Variants in ASCL1 observed in about 807,000 individuals in gnomAD.
ASCL1 encodes the protein achaete-scute family bHLH transcription factor 1.
In ASCL1, 2 loss-of-function variants were observed where a neutral mutation model predicts 16.1. The ratio of observed to expected loss-of-function variants is 0.12; its 90% confidence interval spans 0.05 to 0.39. The LOEUF (loss-of-function observed/expected upper bound fraction) is 0.39. Ranked by LOEUF, ASCL1 falls within the 10% of genes least tolerant of loss-of-function variation. ASCL1 has a pLI of 0.99. For synonymous variants in ASCL1, 165 were observed against 155.7 expected (o/e 1.06, Z -0.45); for missense variants, 276 against 336.9 (o/e 0.82, Z 1.41).
Position 102,957,802 on chromosome 12 carries a change from C to A in ASCL1, c.-443C>A, listed in dbSNP as rs957732146. The A allele has an allele frequency of 6.3e-6, 1 of 159,796 alleles. No homozygotes were observed. The highest frequency in any genetic ancestry group is 6.5e-5 in the Admixed American group (1 of 15,462). The allele number at this position is 159,796 out of a possible 1,614,324, so 9.9% of individuals were successfully genotyped here. A position where few individuals can be genotyped will look rare whatever the true frequency, so the allele number is the denominator to read the frequency against. On this transcript the variant is annotated 5_prime_UTR_variant, in exon 1 of 2. Coordinates refer to ENST00000266744, the MANE Select transcript of ASCL1 (RefSeq NM_004316.4). This position sits in a 1 kb window ranked among gnomAD's most constrained non-coding sequence, Gnocchi z 4.1. ...AAAATAATAAAAACAGCCTGAGCCA[C>A]GGCTGGAGAGACCGAGACCCGGCGC...
Position 102,958,141 on chromosome 12 carries a change from CCT to C in ASCL1, c.-99_-98del. On this transcript the variant is annotated 5_prime_UTR_variant, in exon 1 of 2. Coordinates refer to ENST00000266744, the MANE Select transcript of ASCL1 (RefSeq NM_004316.4). ...CCCGCTTCATATTTCCTTTTCTTTC[CCT>C]CTCTGTTCCTGCACCCAAGTTCTCT... The C allele has an allele frequency of 1.2e-6, 1 of 808,222 alleles. No individual in the cohort carries two copies. The highest frequency in any genetic ancestry group is 1.7e-6 in the Non-Finnish European group (1 of 581,650). The allele number at this position is 808,222 out of a possible 1,614,324, so 50.1% of individuals were successfully genotyped here.
intron 1 of ASCL1, 135 bp downstream of exon 1, chr12:102,959,137 A>G: frequency 9.3e-7 from 1 of 1,073,968 alleles, no homozygotes; most frequent in Non-Finnish European, 1.3e-6. Context: ...GGTCGATTTC[A>G]AGTCCTAGTT....
rs1880076246 is a variant in ASCL1 at position 102,960,277 on chromosome 12, ATGT to A, written c.*968_*970del. The stretch of plus-strand genomic sequence containing the variant: ...CACCAATGTGTCTTACTTTATAGAA[ATGT>A]TGTTAATGTATTAATGATGTTATTA... On this transcript the variant is annotated 3_prime_UTR_variant, in exon 2 of 2. Transcript: ENST00000266744. 6.6e-6 allele frequency: 1 copy of A among 152,658 alleles called. No homozygotes were observed. Among genetic ancestry groups the A allele is most frequent in the South Asian group, 2.1e-4 (1 of 4,832 alleles). 9.5% of individuals were successfully genotyped at this position (152,658 alleles called of 1,614,324 possible). A position where few individuals can be genotyped will look rare whatever the true frequency, so the allele number is the denominator to read the frequency against.
In ASCL1 at chr12:102,958,343, C is replaced by CACGGCCGCAGCCGCG. The variant is rs1410942514; in HGVS notation, c.100_114dup (p.Thr34_Ala38dup). On this transcript the variant is annotated inframe_insertion, in exon 1 of 2. Transcript: ENST00000266744. ...TGCCGCCCGCAGCCTGTTTCTTTGC[C>CACGGCCGCAGCCGCG]ACGGCCGCAGCCGCGGCGGCCGCAG... 1 of 1,456,882 alleles carries CACGGCCGCAGCCGCG rather than the reference C, an allele frequency of 6.9e-7. No homozygotes were observed. Among genetic ancestry groups the CACGGCCGCAGCCGCG allele is most frequent in the Non-Finnish European group, 9.0e-7 (1 of 1,109,412 alleles). The allele number at this position is 1,456,882 out of a possible 1,614,324, so 90.2% of individuals were successfully genotyped here. A position where few individuals can be genotyped will look rare whatever the true frequency, so the allele number is the denominator to read the frequency against.
chr12:102,958,280 C>G lies in ASCL1; in HGVS notation c.36C>G (p.Ala12=), dbSNP rs753938038. ...ESSAKMESGG[A]GQQPQPQPQQ... is the part of the protein sequence containing the mutation. ...CTGCCAAGATGGAGAGCGGCGGCGC[C>G]GGCCAGCAGCCCCAGCCGCAGCCCC... Residue 12 remains alanine, a synonymous_variant, in exon 1 of 2, where the codon GCC becomes GCG. Coordinates refer to ENST00000266744, the MANE Select transcript of ASCL1 (RefSeq NM_004316.4). The G allele has an allele frequency of 3.4e-6, 5 of 1,475,416 alleles. No homozygotes were observed. The highest frequency in any genetic ancestry group is 3.0e-5 in the East Asian group (1 of 33,492). 91.4% of individuals were successfully genotyped at this position (1,475,416 alleles called of 1,614,324 possible).
rs1880006246 is a variant in ASCL1 at position 102,958,395 on chromosome 12, C to A, written c.151C>A (p.Gln51Lys). ...AAAAAAAQSA[Q>K]QQQQQQQQQQ... The stretch of plus-strand genomic sequence containing the variant: ...CGCCGCAGCGGCAGCGCAGAGCGCG[C>A]AGCAGCAGCAGCAGCAGCAGCAGCA... The change falls in exon 1 of 2, where the codon CAG becomes AAG. Residue 51 changes from glutamine to lysine, a missense_variant. Coordinates refer to ENST00000266744, the MANE Select transcript of ASCL1 (RefSeq NM_004316.4). The A allele has an allele frequency of 1.4e-6, 1 of 706,430 alleles. No homozygotes were observed. Among genetic ancestry groups the A allele is most frequent in the Admixed American group, 3.6e-5 (1 of 27,618 alleles). The allele number at this position is 706,430 out of a possible 1,614,324, so 43.8% of individuals were successfully genotyped here.
At position 102,958,823 on chromosome 12, in the gene ASCL1, C is replaced by A; in HGVS notation, c.579C>A (p.Ile193=). The A allele has an allele frequency of 6.2e-7, 1 of 1,613,786 alleles. No individual in the cohort carries two copies. The highest frequency in any genetic ancestry group is 8.5e-7 in the Non-Finnish European group (1 of 1,179,770). The change falls in exon 1 of 2, where the codon ATC becomes ATA. Residue 193 remains isoleucine (I), a synonymous_variant. Transcript: ENST00000266744. The stretch of plus-strand genomic sequence containing the variant: ...AGGCAGGCGTCCTGTCGCCCACCAT[C>A]TCCCCCAACTACTCCAACGACTTGA... ...AFQAGVLSPT[I]SPNYSNDLNS...
chr12:102,957,889 C>G lies in ASCL1; in HGVS notation c.-356C>G, dbSNP rs989424784. On this transcript the variant is annotated 5_prime_UTR_variant, in exon 1 of 2. Coordinates refer to ENST00000266744, the MANE Select transcript of ASCL1 (RefSeq NM_004316.4). The surrounding 1 kb of genome is among the most constrained non-coding windows in gnomAD (Gnocchi z 4.1). ...CGCGGCAGAGCGCGTTCAGCACTGA[C>G]TTTTGCTGCTGCTTCTGCTTTTTTT... 1 of 198,732 alleles carries G rather than the reference C, an allele frequency of 5.0e-6. No individual in the cohort carries two copies. Among genetic ancestry groups the G allele is most frequent in the Admixed American group, 6.0e-5 (1 of 16,554 alleles). 12.3% of individuals were successfully genotyped at this position (198,732 alleles called of 1,614,324 possible).
In ASCL1 at chr12:102,958,197, C is replaced by T; in HGVS notation, c.-48C>T. 1.4e-6 allele frequency: 2 copies of T among 1,400,190 alleles called. No homozygotes were observed. The highest frequency in any genetic ancestry group is 9.3e-7 in the Non-Finnish European group (1 of 1,075,310). 86.7% of individuals were successfully genotyped at this position (1,400,190 alleles called of 1,614,324 possible). ...TGTCCCCCTCGCGGGCCCCGCACCTCGCGTCCCGGATCGCTCTGATTCCGC... is the reference window on the plus strand; with the variant it reads ...TGTCCCCCTCGCGGGCCCCGCACCTTGCGTCCCGGATCGCTCTGATTCCGC... On this transcript the variant is annotated 5_prime_UTR_variant, in exon 1 of 2. Transcript: ENST00000266744.
chr12:102,959,256 A>G (rs1179175052), intron 1 of ASCL1, 106 bp from the exon 2 acceptor site: 3 of 449,648 alleles, frequency 6.7e-6, no homozygotes, highest in Non-Finnish European at 1.2e-5. Context: ...GGGACATGTT[A>G]AAAGAGATGT....
At chr12:102,959,184 C>T (rs1212242539) in intron 1 of ASCL1, among the ~76,000 whole-genome samples, 178 bp from the exon 2 acceptor site, 1 of 152,178 alleles carries the variant, frequency 6.6e-6, no homozygotes, top group African/African-American at 2.4e-5. Context: ...AATGGCCTTG[C>T]CCAGGTCTCC....
chr12:102,959,430 GAAA>G lies in ASCL1; in HGVS notation c.*124_*126del. The G allele has an allele frequency of 6.6e-6, 1 of 152,270 alleles. No homozygotes were observed. Among genetic ancestry groups the G allele is most frequent in the Non-Finnish European group, 1.5e-5 (1 of 68,630 alleles). The allele number at this position is 152,270 out of a possible 1,614,324, so 9.4% of individuals were successfully genotyped here. On this transcript the variant is annotated 3_prime_UTR_variant, in exon 2 of 2. Transcript: ENST00000266744. Reference sequence around the variant, plus strand: ...CGTTGGGAGGGGGAGAAAAGGAAAAGAAAAAAAAAAGAAGAAGAAGAAGAAAAG... The same window carrying G: ...CGTTGGGAGGGGGAGAAAAGGAAAAGAAAAAAAGAAGAAGAAGAAGAAAAG...
Position 102,958,760 on chromosome 12 carries a change from G to C in ASCL1, c.516G>C (p.Gln172His). Residue 172 changes from glutamine to histidine, a missense_variant, in exon 1 of 2, where the codon CAG becomes CAC. Physicochemically the swap from Gln to His is conservative, Grantham distance 24 (BLOSUM62 0). Coordinates refer to ENST00000266744, the MANE Select transcript of ASCL1 (RefSeq NM_004316.4). ...SAVEYIRALQ[Q>H]LLDEHDAVSA... ...TCGAGTACATCCGCGCGCTGCAGCA[G>C]CTGCTGGACGAGCATGACGCGGTGA... 1 of 1,614,120 alleles carries C rather than the reference G, an allele frequency of 6.2e-7. No individual in the cohort carries two copies. Among genetic ancestry groups the C allele is most frequent in the Non-Finnish European group, 8.5e-7 (1 of 1,180,046 alleles).
chr12:102,958,177 C>G lies in ASCL1; in HGVS notation c.-68C>G, dbSNP rs1347740593. The G allele has an allele frequency of 7.9e-7, 1 of 1,260,270 alleles. No individual in the cohort carries two copies. The highest frequency in any genetic ancestry group is 1.0e-6 in the Non-Finnish European group (1 of 964,262). 78.1% of individuals were successfully genotyped at this position (1,260,270 alleles called of 1,614,324 possible). A position where few individuals can be genotyped will look rare whatever the true frequency, so the allele number is the denominator to read the frequency against. ...CTGCACCCAAGTTCTCTCTGTGTCC[C>G]CCTCGCGGGCCCCGCACCTCGCGTC... On this transcript the variant is annotated 5_prime_UTR_variant, in exon 1 of 2. Transcript: ENST00000266744.
In ASCL1 at chr12:102,958,179, C is replaced by A. The variant is rs76247694; in HGVS notation, c.-66C>A. 6.2e-6 allele frequency: 8 copies of A among 1,300,608 alleles called. No individual in the cohort carries two copies. Among genetic ancestry groups the A allele is most frequent in the Non-Finnish European group, 8.0e-6 (8 of 1,000,086 alleles). 80.6% of individuals were successfully genotyped at this position (1,300,608 alleles called of 1,614,324 possible). On this transcript the variant is annotated 5_prime_UTR_variant, in exon 1 of 2. Transcript: ENST00000266744. ...GCACCCAAGTTCTCTCTGTGTCCCC[C>A]TCGCGGGCCCCGCACCTCGCGTCCC...
chr12:102,958,379 G>GC lies in ASCL1; in HGVS notation c.135_136insC (p.Ala46ArgfsTer111), dbSNP rs1565889052. 19 of 1,485,352 alleles carry GC rather than the reference G, an allele frequency of 1.3e-5. No individual in the cohort carries two copies. The East Asian group carries it at 4.6e-4, about 36-fold the overall frequency. 92.0% of individuals were successfully genotyped at this position (1,485,352 alleles called of 1,614,324 possible). A position where few individuals can be genotyped will look rare whatever the true frequency, so the allele number is the denominator to read the frequency against. ...CCGCGGCGGCCGCAGCCGCCGCAGC[G>GC]GCAGCGCAGAGCGCGCAGCAGCAGC... On this transcript the variant is annotated frameshift_variant, in exon 1 of 2. Transcript: ENST00000266744. LOFTEE classifies it high-confidence loss of function.
At position 102,958,194 on chromosome 12, in the gene ASCL1, C is replaced by T; in HGVS notation, c.-51C>T. ...CTGTGTCCCCCTCGCGGGCCCCGCA[C>T]CTCGCGTCCCGGATCGCTCTGATTC... On this transcript the variant is annotated 5_prime_UTR_variant, in exon 1 of 2. Coordinates refer to ENST00000266744, the MANE Select transcript of ASCL1 (RefSeq NM_004316.4). 1 of 1,393,286 alleles carries T rather than the reference C, an allele frequency of 7.2e-7. No homozygotes were observed. The highest frequency in any genetic ancestry group is 9.3e-7 in the Non-Finnish European group (1 of 1,070,190). 86.3% of individuals were successfully genotyped at this position (1,393,286 alleles called of 1,614,324 possible). A position where few individuals can be genotyped will look rare whatever the true frequency, so the allele number is the denominator to read the frequency against.
At position 102,958,699 on chromosome 12, in the gene ASCL1, A is replaced by G; in HGVS notation, c.455A>G (p.Lys152Arg). The part of the protein sequence containing the change: ...REHVPNGAAN[K>R]KMSKVETLRS... ...CACGTCCCCAACGGCGCGGCCAACAAGAAGATGAGTAAGGTGGAGACACTG... is the reference window on the plus strand; with the variant it reads ...CACGTCCCCAACGGCGCGGCCAACAGGAAGATGAGTAAGGTGGAGACACTG... The change falls in exon 1 of 2, where the codon AAG (lysine) becomes AGG (arginine). Residue 152 changes from lysine to arginine, a missense_variant. Physicochemically the swap from Lys to Arg is conservative, Grantham distance 26. This residue lies in a region of ASCL1 where 30 missense variants were observed against 83.2 expected (regional missense o/e 0.36). Transcript: ENST00000266744. 7.4e-6 allele frequency: 12 copies of G among 1,614,072 alleles called. No individual in the cohort carries two copies. The highest frequency in any genetic ancestry group is 1.0e-5 in the Non-Finnish European group (12 of 1,179,980).
Position 102,958,344 on chromosome 12 carries a change from ACGGCCGCAGCCGCGGCGGCC to A in ASCL1, c.101_120del (p.Thr34SerfsTer116). 1.4e-6 allele frequency: 2 copies of A among 1,453,698 alleles called. 1 individual carries two copies. Among genetic ancestry groups the A allele is most frequent in the Non-Finnish European group, 1.8e-6 (2 of 1,107,812 alleles). 90.0% of individuals were successfully genotyped at this position (1,453,698 alleles called of 1,614,324 possible). A position where few individuals can be genotyped will look rare whatever the true frequency, so the allele number is the denominator to read the frequency against. ...GCCGCCCGCAGCCTGTTTCTTTGCC[ACGGCCGCAGCCGCGGCGGCC>A]GCAGCCGCCGCAGCGGCAGCGCAGA... On this transcript the variant is annotated frameshift_variant, in exon 1 of 2. Coordinates refer to ENST00000266744, the MANE Select transcript of ASCL1 (RefSeq NM_004316.4). LOFTEE classifies it high-confidence loss of function.
Sources: gnomAD v4.1 joint callset for allele counts (sites outside exome capture counted in the v4.1 genomes callset) on GRCh38, gnomAD v4.1.1 for gene constraint, gnomAD v4.1.1 regional missense constraint, Gnocchi (gnomAD v3.1) non-coding constraint, MANE v1.5 for transcripts, NCBI Gene and HGNC (gene_info 2026-07-23, HGNC 2026-07-21) for gene names.